Variants in BAZ2B observed in about 807,000 individuals in gnomAD.
BAZ2B encodes the protein bromodomain adjacent to zinc finger domain 2B.
In BAZ2B, 91 loss-of-function variants were observed where a neutral mutation model predicts 246.0. The ratio of observed to expected loss-of-function variants is 0.37; its 90% CI spans 0.31 to 0.44. The LOEUF (loss-of-function observed/expected upper bound fraction) is 0.44. Among genes scored for constraint, BAZ2B ranks in the 20% least tolerant of loss-of-function variants. The pLI, the probability that BAZ2B is intolerant of heterozygous loss-of-function variation, is 1.00. For synonymous variants in BAZ2B, 855 were observed against 860.0 expected (o/e 0.99, Z 0.10); for missense variants, 2,332 against 2,533.7 (o/e 0.92, Z 1.71).
chr2:159,583,596 T>C (rs567623711), intron 1 of BAZ2B, among the ~76,000 whole-genome samples: 3 of 152,312 alleles, frequency 2.0e-5, no homozygotes, highest in African/African-American at 7.2e-5. Flanking sequence ...TAAAAACGTA[T>C]GTAGTGCCTA....
intron 31 of BAZ2B, among the ~76,000 whole-genome samples, chr2:159,343,748 C>T (rs538536745): frequency 1.7e-4 from 26 of 152,118 alleles, no homozygotes; most frequent in Admixed American, 2.0e-4. Flanking sequence ...AAAAAACGGC[C>T]GGGCGCCGTG....
chr2:159,634,584 A>G, the BAZ2B span, among the ~76,000 whole-genome samples: 1 of 152,216 alleles, frequency 6.6e-6, no homozygotes, highest in African/African-American at 2.4e-5. Flanking sequence ...TGCCTTCACT[A>G]TAGACAAAAT....
At chr2:159,331,777 G>C (rs1428278364) in intron 34 of BAZ2B, among the ~76,000 whole-genome samples, 1 of 152,156 alleles carries the variant, frequency 6.6e-6, no homozygotes, top group Non-Finnish European at 1.5e-5. Flanking sequence ...CCAGAATAAC[G>C]GTTTTACCAA....
chr2:159,439,330 G>A, intron 6 of BAZ2B, 118 bp from the exon 7 acceptor site: 2 of 922,106 alleles, frequency 2.2e-6, no homozygotes, highest in Non-Finnish European at 1.6e-6. Context: ...TGTCATTGTA[G>A]GAAAAAGTCA....
At chr2:159,337,890 G>A in intron 31 of BAZ2B, 118 bp from the exon 32 acceptor site, 1 of 950,376 alleles carries the variant, frequency 1.1e-6, no homozygotes, top group South Asian at 2.3e-5. Context: ...GTTACTAAAA[G>A]ATTTTACCTT....
chr2:159,569,847 G>T (rs1036296755), intron 1 of BAZ2B, among the ~76,000 whole-genome samples: 9 of 151,862 alleles, frequency 5.9e-5, no homozygotes, highest in African/African-American at 2.2e-4. Context: ...GTACATAAAT[G>T]AAAATTAGGT....
At chr2:159,397,250 T>C (rs1254975587) in intron 19 of BAZ2B, 95 bp downstream of exon 19, 1 of 1,273,002 alleles carries the variant, frequency 7.9e-7, no homozygotes, top group Non-Finnish European at 1.1e-6. Context: ...TATCAGAAAT[T>C]TTAAAGAAAA....
chr2:159,482,087 T>C (rs1013903897), intron 2 of BAZ2B, among the ~76,000 whole-genome samples: 1 of 151,332 alleles, frequency 6.6e-6, no homozygotes, highest in African/African-American at 2.4e-5. Context: ...ACTCTGTTTT[T>C]TATTTTTAGG....
chr2:159,482,821 T>C (rs1046207924), intron 2 of BAZ2B, among the ~76,000 whole-genome samples: 1 of 152,188 alleles, frequency 6.6e-6, no homozygotes, highest in African/African-American at 2.4e-5. Context: ...GCATAGTACA[T>C]AAAAATCTGC....
At chr2:159,431,254 G>A in intron 9 of BAZ2B, 98 bp from the exon 10 acceptor site, 1 of 1,461,050 alleles carries the variant, frequency 6.8e-7, no homozygotes, top group Non-Finnish European at 9.0e-7. Flanking sequence ...CAGCACCTGT[G>A]AATGAGAACT....
At chr2:159,565,942 T>C (rs2151529223) in intron 1 of BAZ2B, among the ~76,000 whole-genome samples, 1 of 152,224 alleles carries the variant, frequency 6.6e-6, no homozygotes, top group Non-Finnish European at 1.5e-5. Context: ...AATAGACAAT[T>C]AGAAAATCAT....
Position 159,600,303 on chromosome 2 carries a change from C to CA in BAZ2B, c.-46+15938dup, listed in dbSNP as rs139365394. On this transcript the variant is annotated intron_variant, in intron 1 of 36. Coordinates refer to ENST00000392783, the MANE Select transcript of BAZ2B (RefSeq NM_013450.4). ...TAATTATTGTATGATCACATTGCTA[C>CA]AAAATCTTACCAGAACCATTCCTGC... Among the ~76,000 whole-genome samples, 130 of 152,158 alleles carry CA rather than the reference C, an allele frequency of 8.5e-4. 4 individuals are homozygous for CA. The East Asian group carries it at 0.024, about 28-fold the overall frequency.
At chr2:159,445,647 C>G (rs1280122915) in intron 6 of BAZ2B, among the ~76,000 whole-genome samples, 1 of 152,176 alleles carries the variant, frequency 6.6e-6, no homozygotes, top group African/African-American at 2.4e-5. Flanking sequence ...TCAAAACTTG[C>G]TAGTAAACTG....
At chr2:159,408,729 G>A (rs1448315226) in intron 14 of BAZ2B, among the ~76,000 whole-genome samples, 2 of 152,104 alleles carry the variant, frequency 1.3e-5, no homozygotes, top group African/African-American at 4.8e-5. Flanking sequence ...GGCCACCCTG[G>A]CCAACATGGT....
At chr2:159,611,681 A>C (rs1408319315) in intron 1 of BAZ2B, among the ~76,000 whole-genome samples, 1 of 151,964 alleles carries the variant, frequency 6.6e-6, no homozygotes, top group Non-Finnish European at 1.5e-5. Context: ...AAGTGTTACA[A>C]ATTTTATGCT....
At chr2:159,698,544 A>AAAAAAAAAAAAAAAC in the BAZ2B span, among the ~76,000 whole-genome samples, 1 of 147,268 alleles carries the variant, frequency 6.8e-6, no homozygotes. Flanking sequence ...AAAACAAAGA[A>AAAAAAAAAAAAAAAC]AAAGAGAATG....
chr2:159,496,262 G>A lies in BAZ2B; in HGVS notation c.-2-17541C>T, dbSNP rs557077368. Among the ~76,000 whole-genome samples, 7 of 148,432 alleles carry A rather than the reference G, an allele frequency of 4.7e-5. No homozygotes were observed. The South Asian group carries it at 1.5e-3, about 32-fold the overall frequency. ...GTGATGGCACATGCCTGTAGTCCCA[G>A]CTACTCAGGAGGCTGAGGCAGAGGA... On this transcript the variant is annotated intron_variant, in intron 2 of 36. Transcript: ENST00000392783.
At position 159,337,683 on chromosome 2, in the gene BAZ2B, A is replaced by G. The variant is rs764675790; in HGVS notation, c.5544T>C (p.Asp1848=). The change falls in exon 32 of 37, where the codon GAT becomes GAC. Residue 1848 remains aspartate, a synonymous_variant. Coordinates refer to ENST00000392783, the MANE Select transcript of BAZ2B (RefSeq NM_013450.4). ...TTTCGTCTTCGCCAGTAAATTCTCC[A>G]TCATGCTCCTTGCACAATTTAGTAA... The part of the protein sequence containing the change: ...KSFTKLCKEH[D]GEFTGEDESS... The G allele has an allele frequency of 3.3e-5, 54 of 1,614,022 alleles. No individual in the cohort carries two copies. The highest frequency in any genetic ancestry group is 5.0e-5 in the Admixed American group (3 of 59,990).
intron 27 of BAZ2B, among the ~76,000 whole-genome samples, chr2:159,365,265 ATTCTG>A (rs746139512): frequency 2.6e-5 from 4 of 152,124 alleles, no homozygotes; most frequent in Non-Finnish European, 5.9e-5. Context: ...CTGGAATAGC[ATTCTG>A]AAAGACAGCT....
Sources: allele counts gnomAD v4.1 joint callset (sites outside exome capture counted in the v4.1 genomes callset), GRCh38; gene constraint gnomAD v4.1.1; transcripts MANE v1.5; gene names NCBI Gene and HGNC (gene_info 2026-07-23, HGNC 2026-07-21).